The following SPAG16 variants were observed in gnomAD, a reference collection of about 807,000 sequenced individuals.
SPAG16 encodes sperm-associated antigen 16 protein.
Under a neutral mutation model 80.4 loss-of-function variants are expected in SPAG16, and 86 were observed. The observed-to-expected ratio is 1.07, with a 90% CI of 0.90 to 1.28. The LOEUF (loss-of-function observed/expected upper bound fraction) is 1.28. Ranked by LOEUF, SPAG16 falls within the 50% of genes most tolerant of loss-of-function variation. The pLI, the probability that SPAG16 is intolerant of heterozygous loss-of-function variation, is 0.00. For synonymous variants in SPAG16, 294 were observed against 265.9 expected, an observed-to-expected ratio of 1.11 and a Z score of -1.03; for missense variants, 870 against 765.3, an observed-to-expected ratio of 1.14 and a Z score of -1.61.
intron 1 of SPAG16, among the ~76,000 whole-genome samples, chr2:213,287,126 T>G (rs780267367): frequency 1.3e-5 from 2 of 152,256 alleles, no homozygotes; most frequent in African/African-American, 4.8e-5. Context: ...AATTGAGTTA[T>G]GGAGTATATG....
chr2:213,377,908 T>A (rs942239981), intron 9 of SPAG16, among the ~76,000 whole-genome samples: 13 of 40,312 alleles, frequency 3.2e-4, no homozygotes, highest in African/African-American at 2.5e-3. Context: ...TATATATTTT[T>A]TTTTTTTTTT....
At chr2:213,297,907 C>A (rs1263042713) in intron 3 of SPAG16, among the ~76,000 whole-genome samples, 1 of 151,984 alleles carries the variant, frequency 6.6e-6, no homozygotes, top group Non-Finnish European at 1.5e-5. Flanking sequence ...AATATGATGG[C>A]AAAAATATTT....
intron 15 of SPAG16, among the ~76,000 whole-genome samples, chr2:214,395,715 T>G (rs919936488): frequency 2.0e-5 from 3 of 152,012 alleles, no homozygotes; most frequent in African/African-American, 7.2e-5. Flanking sequence ...GGTGTCTATT[T>G]TTTTTTCCTT....
At chr2:214,201,555 A>G (rs2058010617) in intron 15 of SPAG16, among the ~76,000 whole-genome samples, 1 of 152,214 alleles carries the variant, frequency 6.6e-6, no homozygotes, top group South Asian at 2.1e-4. Context: ...GTTCCTACAA[A>G]GAACAAACAT....
chr2:213,435,171 A>T (rs2070550007), intron 9 of SPAG16, among the ~76,000 whole-genome samples: 1 of 152,250 alleles, frequency 6.6e-6, no homozygotes, highest in Admixed American at 6.5e-5. Flanking sequence ...TGTCTCTTGT[A>T]GCAACATGGA....
chr2:214,222,449 C>T (rs2058603715), intron 15 of SPAG16, among the ~76,000 whole-genome samples: 1 of 152,040 alleles, frequency 6.6e-6, no homozygotes, highest in African/African-American at 2.4e-5. Context: ...GTAAAATGAC[C>T]TATTTGGAGC....
rs899100080 is a variant in SPAG16 at position 213,284,619 on chromosome 2, C to A, written c.136C>A (p.Gln46Lys). The change falls in exon 1 of 16, where the codon CAG becomes AAG. Residue 46 changes from glutamine (Q) to lysine (K), a missense_variant and splice_region_variant. Gln to Lys is a moderately conservative substitution (Grantham distance 53, BLOSUM62 1). Coordinates refer to ENST00000331683, the MANE Select transcript of SPAG16 (RefSeq NM_024532.5). Reference sequence around the variant, plus strand: ...GGCTGAGGGCGCCTACTACCTGGAACGTATCCTTCCCGTGGAGGCGCGGCC... The same window carrying A: ...GGCTGAGGGCGCCTACTACCTGGAAAGTATCCTTCCCGTGGAGGCGCGGCC... ...VAAEGAYYLE[Q>K]VTITEASEDD... The A allele has an allele frequency of 6.2e-7, 1 of 1,607,044 alleles. No individual in the cohort carries two copies. The highest frequency in any genetic ancestry group is 8.5e-7 in the Non-Finnish European group (1 of 1,177,240).
intron 10 of SPAG16, among the ~76,000 whole-genome samples, chr2:213,817,099 T>C (rs531973949): frequency 6.6e-6 from 1 of 151,566 alleles, no homozygotes; most frequent in East Asian, 1.9e-4. Context: ...ATAGGTAAAA[T>C]TACACAGTAC....
intron 13 of SPAG16, among the ~76,000 whole-genome samples, chr2:214,076,310 A>G (rs1473097766): frequency 6.6e-6 from 1 of 152,184 alleles, no homozygotes; most frequent in Admixed American, 6.5e-5. Context: ...AAAACATATT[A>G]GTTAACAGAA....
chr2:214,391,076 T>C (rs550248921), intron 15 of SPAG16, among the ~76,000 whole-genome samples: 6 of 152,316 alleles, frequency 3.9e-5, no homozygotes, highest in African/African-American at 1.2e-4. Flanking sequence ...CACAAAATCA[T>C]GACCTGACTG....
intron 9 of SPAG16, among the ~76,000 whole-genome samples, chr2:213,397,207 C>T (rs755459017): frequency 2.0e-5 from 3 of 149,024 alleles, no homozygotes; most frequent in Admixed American, 1.3e-4. Flanking sequence ...TATCTTCTCA[C>T]TTCACTGAAT....
chr2:213,742,575 G>A (rs1434119862), intron 10 of SPAG16, among the ~76,000 whole-genome samples: 20 of 128,556 alleles, frequency 1.6e-4, no homozygotes, highest in African/African-American at 5.9e-4. Context: ...TTTTTGAGAC[G>A]AAGTTTCGGT....
chr2:214,255,832 T>A (rs1690644434), intron 15 of SPAG16, among the ~76,000 whole-genome samples: 1 of 151,976 alleles, frequency 6.6e-6, no homozygotes, highest in East Asian at 1.9e-4. Context: ...TTCTATTATA[T>A]GAATATATTG....
intron 9 of SPAG16, among the ~76,000 whole-genome samples, chr2:213,478,973 T>A (rs181081192): frequency 4.6e-5 from 7 of 152,244 alleles, no homozygotes; most frequent in Admixed American, 3.9e-4. Flanking sequence ...GTCCTCCCAA[T>A]GTTGACATTT....
At chr2:214,015,385 G>T (rs1253865463) in intron 13 of SPAG16, among the ~76,000 whole-genome samples, 1 of 152,070 alleles carries the variant, frequency 6.6e-6, no homozygotes, top group Non-Finnish European at 1.5e-5. Context: ...GATCACTGGA[G>T]GTCAGGAGTT....
intron 9 of SPAG16, among the ~76,000 whole-genome samples, chr2:213,404,243 T>C (rs2068486979): frequency 6.6e-6 from 1 of 152,206 alleles, no homozygotes; most frequent in African/African-American, 2.4e-5. Context: ...AGAGCCCGCA[T>C]TGCCAAGTCA....
intron 10 of SPAG16, among the ~76,000 whole-genome samples, chr2:213,585,560 G>T (rs76873187): frequency 6.6e-6 from 1 of 152,064 alleles, no homozygotes; most frequent in African/African-American, 2.4e-5. Context: ...TATGATGTAA[G>T]TAACCAGCCT....
chr2:213,586,102 A>T (rs969822660), intron 10 of SPAG16, among the ~76,000 whole-genome samples: 11 of 152,186 alleles, frequency 7.2e-5, no homozygotes, highest in African/African-American at 2.7e-4. Context: ...TAGCCATAAC[A>T]ATTATTATTT....
intron 11 of SPAG16, among the ~76,000 whole-genome samples, chr2:213,872,436 C>T (rs1020207484): frequency 2.0e-5 from 3 of 152,124 alleles, no homozygotes; most frequent in Non-Finnish European, 4.4e-5. Flanking sequence ...TACTAACCTC[C>T]TGTCAATATA....
Sources: gnomAD v4.1 joint callset for allele counts (sites outside exome capture counted in the v4.1 genomes callset) on GRCh38, gnomAD v4.1.1 for gene constraint, MANE v1.5 for transcripts, NCBI Gene and HGNC (gene_info 2026-07-23, HGNC 2026-07-21) for gene names.